The following IL15 variants were observed in gnomAD, a reference collection of about 807,000 sequenced individuals.
IL15 encodes the protein interleukin 15.
IL15 carries 11 observed loss-of-function variants against 19.6 expected under a neutral mutation model. The observed-to-expected ratio is 0.56, with a 90% CI of 0.35 to 0.93. The LOEUF is 0.93. Among genes scored for constraint, IL15 ranks in the 40% least tolerant of loss-of-function variants. The probability of loss-of-function intolerance (pLI) is 0.01; values close to 1 mark genes in which losing one functional copy is unlikely to be tolerated. For synonymous variants in IL15, 58 were observed against 59.6 expected (o/e 0.97, Z 0.12); for missense variants, 197 against 186.5 (o/e 1.06, Z -0.33).
chr4:141,720,388 T>G (rs894822125), intron 3 of IL15, 81 bp from the exon 4 acceptor site: 9 of 734,144 alleles, frequency 1.2e-5, no homozygotes, highest in Non-Finnish European at 2.2e-5. Context: ...TCTTTAGACC[T>G]AAAAATATGT....
Position 141,727,948 on chromosome 4 carries a change from T to C in IL15, c.204T>C (p.His68=). The change falls in exon 6 of 8, where the codon CAT becomes CAC. Residue 68 remains histidine (H), a synonymous_variant. Transcript: ENST00000320650. The part of the protein sequence containing the change: ...KKIEDLIQSM[H]IDATLYTESD... ...ATTTTGTTTCCTTTCAGTCTATGCATATTGATGCTACTTTATATACGGAAA... is the reference window on the plus strand; with the variant it reads ...ATTTTGTTTCCTTTCAGTCTATGCACATTGATGCTACTTTATATACGGAAA... 7.6e-7 allele frequency: 1 copy of C among 1,313,038 alleles called. No homozygotes were observed. The highest frequency in any genetic ancestry group is 1.3e-5 in the South Asian group (1 of 78,110). The allele number at this position is 1,313,038 out of a possible 1,614,324, so 81.3% of individuals were successfully genotyped here.
At position 141,696,337 on chromosome 4, in the gene IL15, T is replaced by G. The variant is rs141001373; in HGVS notation, c.-99-23029T>G. Among the ~76,000 whole-genome samples the G allele has an allele frequency of 5.3e-5, 8 of 152,262 alleles. No individual in the cohort carries two copies. The East Asian group carries it at 1.5e-3, about 29-fold the overall frequency. On this transcript the variant is annotated intron_variant, in intron 2 of 7. Transcript: ENST00000320650. ...TCATGCTGTTTTGGTTACTAGAGCT[T>G]TGTAGCATATTTCAGGTAGTATGAA...
intron 2 of IL15, among the ~76,000 whole-genome samples, chr4:141,668,548 G>A (rs1728066593): frequency 6.6e-6 from 1 of 152,206 alleles, no homozygotes; most frequent in African/African-American, 2.4e-5. Context: ...TCTGTCAGGA[G>A]TTTGGCTGGG....
intron 1 of IL15, among the ~76,000 whole-genome samples, chr4:141,639,010 T>C (rs536727756): frequency 1.4e-4 from 21 of 152,358 alleles, no homozygotes; most frequent in African/African-American, 3.8e-4. Flanking sequence ...TTCAGACCTA[T>C]AACTTAAGTT....
chr4:141,650,777 T>C (rs1727377519), intron 1 of IL15, among the ~76,000 whole-genome samples: 1 of 152,050 alleles, frequency 6.6e-6, no homozygotes, highest in Admixed American at 6.6e-5. Context: ...AGATGTTACT[T>C]AGGCACTGGA....
chr4:141,677,459 G>A (rs544122026), intron 2 of IL15, among the ~76,000 whole-genome samples: 1 of 152,286 alleles, frequency 6.6e-6, no homozygotes, highest in Admixed American at 6.5e-5. Context: ...AAGGCTTCTG[G>A]TCAACAGTAG....
chr4:141,681,828 T>A (rs1449710806), intron 2 of IL15, among the ~76,000 whole-genome samples: 2 of 152,138 alleles, frequency 1.3e-5, no homozygotes, highest in African/African-American at 4.8e-5. Flanking sequence ...CTTGACTAAG[T>A]GGTTGTTGGT....
chr4:141,727,345 A>C (rs946461030), intron 5 of IL15, among the ~76,000 whole-genome samples: 17 of 152,278 alleles, frequency 1.1e-4, no homozygotes, highest in African/African-American at 3.9e-4. Flanking sequence ...ATGGCTCATA[A>C]AAATGTCTAT....
At chr4:141,719,200 T>C (rs1729989372) in intron 2 of IL15, 166 bp from the exon 3 acceptor site, 1 of 336,006 alleles carries the variant, frequency 3.0e-6, no homozygotes, top group African/African-American at 2.1e-5. Context: ...ACCTAAATGC[T>C]ACTAACCTTC....
At chr4:141,658,489 G>A (rs1488655756) in intron 2 of IL15, among the ~76,000 whole-genome samples, 5 of 151,856 alleles carry the variant, frequency 3.3e-5, no homozygotes, top group African/African-American at 7.3e-5. Context: ...TTCATTATGG[G>A]GCGTGTGACT....
chr4:141,721,145 C>A, intron 4 of IL15: 1 of 1,452,954 alleles, frequency 6.9e-7, no homozygotes, highest in African/African-American at 1.4e-5. Context: ...CTACTAATGC[C>A]TTCATGGTAT....
intron 7 of IL15, 82 bp downstream of exon 7, chr4:141,730,066 C>T (rs1316144001): frequency 1.8e-6 from 2 of 1,094,518 alleles, no homozygotes; most frequent in African/African-American, 3.1e-5. Flanking sequence ...CAAGCAGATC[C>T]TCCTAAGGGG....
At chr4:141,663,035 A>T (rs1380795758) in intron 2 of IL15, among the ~76,000 whole-genome samples, 1 of 152,182 alleles carries the variant, frequency 6.6e-6, no homozygotes. Context: ...AGTAATCATT[A>T]AAAAAGTAAC....
At chr4:141,689,457 G>GAAT (rs1337328877) in intron 2 of IL15, among the ~76,000 whole-genome samples, 3 of 152,172 alleles carry the variant, frequency 2.0e-5, no homozygotes, top group Non-Finnish European at 4.4e-5. Flanking sequence ...GGCCCCACCA[G>GAAT]AATAGCTAGA....
chr4:141,664,444 G>GA, intron 2 of IL15, among the ~76,000 whole-genome samples: 1 of 150,348 alleles, frequency 6.7e-6, no homozygotes, highest in Non-Finnish European at 1.5e-5. Context: ...GATAAACTGG[G>GA]AAAAATATTT....
chr4:141,708,296 T>A (rs1358214283), intron 2 of IL15, among the ~76,000 whole-genome samples: 2 of 152,140 alleles, frequency 1.3e-5, no homozygotes, highest in African/African-American at 2.4e-5. Context: ...TAGCTGAGTT[T>A]GTGGTGGTGC....
At chr4:141,697,811 A>G (rs188804984) in intron 2 of IL15, among the ~76,000 whole-genome samples, 35 of 151,878 alleles carry the variant, frequency 2.3e-4, no homozygotes, top group Admixed American at 1.2e-3. Flanking sequence ...TTCTTTACCA[A>G]TTTGGATGCC....
At chr4:141,676,020 A>G (rs1401782047) in intron 2 of IL15, among the ~76,000 whole-genome samples, 3 of 152,332 alleles carry the variant, frequency 2.0e-5, no homozygotes, top group African/African-American at 7.2e-5. Context: ...AAAAAAAGCC[A>G]CAGAAGACAT....
intron 7 of IL15, among the ~76,000 whole-genome samples, 155 bp from the exon 8 acceptor site, chr4:141,732,583 C>T (rs1397772681): frequency 6.6e-6 from 1 of 152,214 alleles, no homozygotes; most frequent in East Asian, 1.9e-4. Flanking sequence ...TGTTCTCTTT[C>T]CTCGTAGTTC....
Sources: allele counts gnomAD v4.1 joint callset (sites outside exome capture counted in the v4.1 genomes callset), GRCh38; gene constraint gnomAD v4.1.1; transcripts MANE v1.5; gene names NCBI Gene and HGNC (gene_info 2026-07-23, HGNC 2026-07-21).